INO80: variants seen among roughly 807,000 people sequenced by gnomAD.
INO80 encodes chromatin-remodeling ATPase INO80.
Under a neutral mutation model 203.4 loss-of-function variants are expected in INO80, and 20 were observed. The observed-to-expected ratio is 0.10, with a 90% CI of 0.07 to 0.14. The LOEUF (loss-of-function observed/expected upper bound fraction) is 0.14. Among genes scored for constraint, INO80 ranks in the 10% least tolerant of loss-of-function variants. The probability of loss-of-function intolerance (pLI) is 1.00; values close to 1 mark genes in which losing one functional copy is unlikely to be tolerated. For synonymous variants in INO80, 726 were observed against 685.2 expected (o/e 1.06, Z -0.93); for missense variants, 1,419 against 1,914.4 (o/e 0.74, Z 4.83).
At chr15:41,013,912 G>C (rs1439249531) in intron 27 of INO80, among the ~76,000 whole-genome samples, 3 of 152,152 alleles carry the variant, frequency 2.0e-5, no homozygotes, top group Non-Finnish European at 4.4e-5. Context: ...TATGTTTAGA[G>C]AGGTTCTCAA....
chr15:40,995,234 T>C (rs906081224), intron 29 of INO80, among the ~76,000 whole-genome samples: 2 of 152,192 alleles, frequency 1.3e-5, no homozygotes, highest in Non-Finnish European at 2.9e-5. Flanking sequence ...CAATGTATTT[T>C]GATTAACTTG....
chr15:41,093,721 G>C (rs1566946613), intron 4 of INO80, among the ~76,000 whole-genome samples: 1 of 151,868 alleles, frequency 6.6e-6, no homozygotes, highest in Non-Finnish European at 1.5e-5. Flanking sequence ...GGTGGTGCGG[G>C]CCTGTAGTCC....
Position 40,982,998 on chromosome 15 carries a change from G to A in INO80, c.4317C>T (p.Ser1439=). 1 of 1,614,146 alleles carries A rather than the reference G, an allele frequency of 6.2e-7. No homozygotes were observed. Among genetic ancestry groups the A allele is most frequent in the Non-Finnish European group, 8.5e-7 (1 of 1,180,036 alleles). ...GGCCCTTCCCTGCTCCTTTGGCTGT[G>A]CTTCCTGAACCTTTGGGGCGGCCTC... ...RSRGRPKGSG[S]TAKGAGKGRS... is the part of the protein sequence containing the mutation. The change falls in exon 35 of 36, where the codon AGC becomes AGT. Residue 1439 remains serine (S), a synonymous_variant. Transcript: ENST00000648947.
At chr15:41,081,882 A>AT (rs1435692522) in intron 7 of INO80, among the ~76,000 whole-genome samples, 1 of 152,044 alleles carries the variant, frequency 6.6e-6, no homozygotes, top group African/African-American at 2.4e-5. Context: ...TGAGCCTTTT[A>AT]TAAAAAAAAA....
At chr15:41,108,273 A>G (rs2045909537) in intron 1 of INO80, among the ~76,000 whole-genome samples, 1 of 151,812 alleles carries the variant, frequency 6.6e-6, no homozygotes, top group African/African-American at 2.4e-5. Context: ...TGAAGTCAAG[A>G]GCTGTGAGCT....
intron 24 of INO80, among the ~76,000 whole-genome samples, chr15:41,042,002 T>C (rs1313388968): frequency 8.0e-6 from 1 of 125,690 alleles, no homozygotes; most frequent in African/African-American, 3.5e-5. Context: ...GCTTGGCTAA[T>C]TTTTAATTTT....
rs943821962 is a variant in INO80, at chr15:41,047,651, C to T, written c.2642-150G>A. 7 of 593,332 alleles carry T rather than the reference C, an allele frequency of 1.2e-5. No individual in the cohort carries two copies. The Admixed American group carries it at 1.5e-4, about 13-fold the overall frequency. The allele number at this position is 593,332 out of a possible 1,614,324, so 36.8% of individuals were successfully genotyped here. On this transcript the variant is annotated intron_variant, in intron 22 of 35. Coordinates refer to ENST00000648947, the MANE Select transcript of INO80 (RefSeq NM_017553.3). ...CACTTTGGTGCAAGTTAGGGTGCCA[C>T]ACCTTTATACTACAATAACAGATAA...
At chr15:41,052,490 T>C (rs577299475) in intron 19 of INO80, among the ~76,000 whole-genome samples, 103 of 151,574 alleles carry the variant, frequency 6.8e-4, no homozygotes, top group African/African-American at 2.3e-3. Context: ...CTGGGCAACA[T>C]AGCAAGATCC....
At chr15:41,048,995 T>C (rs949268119) in intron 21 of INO80, among the ~76,000 whole-genome samples, 13 of 152,184 alleles carry the variant, frequency 8.5e-5, no homozygotes, top group African/African-American at 2.9e-4. Context: ...CAAACCAATT[T>C]CAGCAATGGG....
rs2044963974 is a variant in INO80 at position 41,055,384 on chromosome 15, TG to T, written c.2071-21del. The T allele has an allele frequency of 4.7e-6, 7 of 1,502,632 alleles. No homozygotes were observed. Among genetic ancestry groups the T allele is most frequent in the Non-Finnish European group, 6.5e-6 (7 of 1,084,922 alleles). 93.1% of individuals were successfully genotyped at this position (1,502,632 alleles called of 1,614,324 possible). A position where few individuals can be genotyped will look rare whatever the true frequency, so the allele number is the denominator to read the frequency against. The stretch of plus-strand genomic sequence containing the variant: ...CCAAAGCTGTAAACAAAGACAAAAA[TG>T]AAATAGCTATAGAGCAATAAAATGA... On this transcript the variant is annotated intron_variant, in intron 17 of 35. Coordinates refer to ENST00000648947, the MANE Select transcript of INO80 (RefSeq NM_017553.3).
intron 27 of INO80, among the ~76,000 whole-genome samples, chr15:41,010,869 G>A (rs1047855836): frequency 1.3e-5 from 2 of 152,158 alleles, no homozygotes; most frequent in African/African-American, 2.4e-5. Context: ...CTGCAGATCT[G>A]ATGTAATTTT....
chr15:41,039,664 CTG>C (rs1002597229), intron 24 of INO80, among the ~76,000 whole-genome samples: 3 of 152,230 alleles, frequency 2.0e-5, no homozygotes, highest in African/African-American at 7.2e-5. Flanking sequence ...ACAGTCTACA[CTG>C]GAGATTCATT....
intron 35 of INO80, 126 bp downstream of exon 35, chr15:40,982,736 C>A: frequency 1.4e-6 from 1 of 732,244 alleles, no homozygotes; most frequent in East Asian, 2.5e-5. Context: ...AGAAGAAGAA[C>A]CCCAATTGGG....
At chr15:41,093,771 G>GGA (rs1435892558) in intron 4 of INO80, among the ~76,000 whole-genome samples, 1 of 152,088 alleles carries the variant, frequency 6.6e-6, no homozygotes, top group Non-Finnish European at 1.5e-5. Context: ...CTAGAACCCA[G>GGA]GAGGTCGAAG....
At chr15:41,064,542 T>A (rs1355558873) in intron 14 of INO80, among the ~76,000 whole-genome samples, 2 of 152,082 alleles carry the variant, frequency 1.3e-5, no homozygotes, top group African/African-American at 4.8e-5. Context: ...GAACTTGCAA[T>A]GGAAGTTAGA....
At chr15:41,006,595 T>C (rs2044043486) in intron 27 of INO80, among the ~76,000 whole-genome samples, 1 of 152,218 alleles carries the variant, frequency 6.6e-6, no homozygotes, top group Non-Finnish European at 1.5e-5. Flanking sequence ...ATGTAACTCT[T>C]ATACTTGGTG....
intron 18 of INO80, 31 bp from the exon 19 acceptor site, chr15:41,054,045 A>G (rs1307234190): frequency 3.9e-6 from 6 of 1,545,804 alleles, no homozygotes; most frequent in Non-Finnish European, 4.5e-6. Flanking sequence ...CAAATAATAC[A>G]TTATAGTGAT....
chr15:41,055,130 C>T (rs2044959684), intron 18 of INO80, 117 bp downstream of exon 18: 9 of 532,112 alleles, frequency 1.7e-5, no homozygotes, highest in Non-Finnish European at 3.3e-6. Context: ...GGTTTTCTTC[C>T]CCGCTGATTT....
At chr15:41,053,335 G>A (rs919793887) in intron 19 of INO80, among the ~76,000 whole-genome samples, 1 of 152,076 alleles carries the variant, frequency 6.6e-6, no homozygotes, top group Non-Finnish European at 1.5e-5. Flanking sequence ...TCGATTTCCT[G>A]ACCTCATGAT....
Sources: gnomAD v4.1 joint callset for allele counts (sites outside exome capture counted in the v4.1 genomes callset) on GRCh38, gnomAD v4.1.1 for gene constraint, MANE v1.5 for transcripts, NCBI Gene and HGNC (gene_info 2026-07-23, HGNC 2026-07-21) for gene names.